The following CNTLN variants were observed in gnomAD, a reference collection of about 807,000 sequenced individuals.
CNTLN encodes the protein centlein.
A neutral mutation model predicts 180.0 loss-of-function variants in CNTLN; 212 were observed. That is an observed-to-expected ratio of 1.18 (90% CI 1.05 to 1.32). CNTLN has a LOEUF of 1.32. Among genes scored for constraint, CNTLN ranks in the 40% most tolerant of loss-of-function variants. The probability of loss-of-function intolerance (pLI) is 0.00; values close to 1 mark genes in which losing one functional copy is unlikely to be tolerated. For synonymous variants in CNTLN, 722 were observed against 563.1 expected (o/e 1.28, Z -3.99); for missense variants, 2,095 against 1,610.9 (o/e 1.30, Z -5.14).
chr9:17,333,534 A>T (rs1032177368), intron 10 of CNTLN, among the ~76,000 whole-genome samples: 1 of 152,160 alleles, frequency 6.6e-6, no homozygotes, highest in Non-Finnish European at 1.5e-5. Context: ...ATTCTTTGTC[A>T]TATAATATAG....
chr9:17,290,789 C>T (rs776283285), intron 6 of CNTLN, among the ~76,000 whole-genome samples: 1 of 151,982 alleles, frequency 6.6e-6, no homozygotes, highest in East Asian at 1.9e-4. Context: ...CGTCTGTCAC[C>T]CCTTTCTTTG....
chr9:17,362,042 G>C (rs1430606837), intron 12 of CNTLN, among the ~76,000 whole-genome samples: 5 of 152,174 alleles, frequency 3.3e-5, no homozygotes, highest in Non-Finnish European at 4.4e-5. Context: ...TGCTTAGTTT[G>C]ACTCAAGAAC....
intron 2 of CNTLN, among the ~76,000 whole-genome samples, chr9:17,150,286 C>G (rs1459500424): frequency 6.6e-6 from 1 of 152,144 alleles, no homozygotes; most frequent in Non-Finnish European, 1.5e-5. Flanking sequence ...GGTCCTAGGT[C>G]TTACGTTTAA....
intron 2 of CNTLN, 66 bp from the exon 3 acceptor site, chr9:17,226,137 G>A (rs1824449190): frequency 1.3e-6 from 1 of 744,694 alleles, no homozygotes; most frequent in Non-Finnish European, 2.1e-6. Flanking sequence ...TTAATATTTG[G>A]GATATGAAAA....
At chr9:17,136,927 CTT>C (rs1236999326) in intron 1 of CNTLN, among the ~76,000 whole-genome samples, 3 of 151,986 alleles carry the variant, frequency 2.0e-5, no homozygotes, top group African/African-American at 7.2e-5. Flanking sequence ...CTAAGACACT[CTT>C]TGGCATATTT....
intron 2 of CNTLN, among the ~76,000 whole-genome samples, chr9:17,183,989 T>C (rs1271846193): frequency 6.6e-6 from 1 of 152,132 alleles, no homozygotes; most frequent in Non-Finnish European, 1.5e-5. Context: ...TAATTTCTGG[T>C]TGAAATGGAA....
At chr9:17,247,082 A>G (rs1046649995) in intron 5 of CNTLN, among the ~76,000 whole-genome samples, 13 of 152,068 alleles carry the variant, frequency 8.5e-5, no homozygotes, top group African/African-American at 3.1e-4. Context: ...TGTGAGCTGC[A>G]CTGCCTTTGC....
At chr9:17,345,592 G>T (rs1349038234) in intron 12 of CNTLN, among the ~76,000 whole-genome samples, 1 of 150,698 alleles carries the variant, frequency 6.6e-6, no homozygotes, top group Non-Finnish European at 1.5e-5. Context: ...CCTTATTACA[G>T]TCTACTGGTA....
intron 12 of CNTLN, among the ~76,000 whole-genome samples, chr9:17,362,891 C>T (rs569306800): frequency 6.6e-6 from 1 of 152,120 alleles, no homozygotes; most frequent in South Asian, 2.1e-4. Context: ...CTCCCCTAGT[C>T]CCCCATACCC....
At chr9:17,295,208 G>A (rs926489029) in intron 6 of CNTLN, among the ~76,000 whole-genome samples, 1 of 152,062 alleles carries the variant, frequency 6.6e-6, no homozygotes, top group Non-Finnish European at 1.5e-5. Context: ...GCCCACGCCT[G>A]TCCCTCCACA....
intron 5 of CNTLN, among the ~76,000 whole-genome samples, chr9:17,268,751 C>T (rs1312780724): frequency 1.3e-5 from 2 of 152,038 alleles, no homozygotes; most frequent in Non-Finnish European, 2.9e-5. Context: ...GCAGGCACTC[C>T]TCCCCCAGCC....
At chr9:17,485,811 A>G (rs926291438) in intron 24 of CNTLN, among the ~76,000 whole-genome samples, 1 of 152,040 alleles carries the variant, frequency 6.6e-6, no homozygotes, top group Non-Finnish European at 1.5e-5. Flanking sequence ...AAAATGATGC[A>G]CTCTCTGGGC....
At chr9:17,337,231 T>C (rs187870869) in intron 10 of CNTLN, among the ~76,000 whole-genome samples, 1 of 152,206 alleles carries the variant, frequency 6.6e-6, no homozygotes, top group Non-Finnish European at 1.5e-5. Context: ...ATGGACAGAT[T>C]GCAAAAAATT....
At chr9:17,277,538 T>C (rs547427788) in intron 6 of CNTLN, among the ~76,000 whole-genome samples, 8 of 151,220 alleles carry the variant, frequency 5.3e-5, no homozygotes, top group African/African-American at 1.7e-4. Context: ...AAATAACAAG[T>C]ATGTAGTAAG....
intron 5 of CNTLN, among the ~76,000 whole-genome samples, chr9:17,247,522 T>G (rs1485845840): frequency 6.6e-6 from 1 of 152,210 alleles, no homozygotes; most frequent in Non-Finnish European, 1.5e-5. Flanking sequence ...AGGGGTTGTG[T>G]GTGTTACTTG....
intron 5 of CNTLN, among the ~76,000 whole-genome samples, chr9:17,269,979 A>ATC (rs1207018528): frequency 2.6e-5 from 4 of 152,130 alleles, no homozygotes; most frequent in Non-Finnish European, 4.4e-5. Context: ...ATAGAAAATC[A>ATC]TCTGAGTTTT....
intron 12 of CNTLN, among the ~76,000 whole-genome samples, chr9:17,360,874 G>C (rs1047545794): frequency 6.6e-6 from 1 of 152,116 alleles, no homozygotes; most frequent in African/African-American, 2.4e-5. Context: ...CATGGCACTT[G>C]AAAAGAATAT....
At chr9:17,140,791 A>G (rs1007362997) in intron 1 of CNTLN, among the ~76,000 whole-genome samples, 15 of 152,256 alleles carry the variant, frequency 9.9e-5, no homozygotes, top group African/African-American at 3.6e-4. Flanking sequence ...TATACATAAA[A>G]CATTATGTTG....
At chr9:17,465,256 T>C (rs1831681903) in intron 21 of CNTLN, among the ~76,000 whole-genome samples, 1 of 150,648 alleles carries the variant, frequency 6.6e-6, no homozygotes, top group South Asian at 2.1e-4. Context: ...TTTAAGTATC[T>C]CTTAGGTCAA....
Sources: gnomAD v4.1 joint callset for allele counts (sites outside exome capture counted in the v4.1 genomes callset) on GRCh38, gnomAD v4.1.1 for gene constraint, MANE v1.5 for transcripts, NCBI Gene and HGNC (gene_info 2026-07-23, HGNC 2026-07-21) for gene names.